The following DOP1A variants were observed in gnomAD, a reference collection of about 807,000 sequenced individuals.
The protein encoded by DOP1A is DOP1 leucine zipper like protein A, also known as protein DOP1A.
Under a neutral mutation model 267.6 loss-of-function variants are expected in DOP1A, and 90 were observed. That is an observed-to-expected ratio of 0.34 (90% CI 0.28 to 0.40). The LOEUF (loss-of-function observed/expected upper bound fraction) is 0.40, where lower values mean the gene tolerates loss of function less well. DOP1A is among the 10% of genes least tolerant of loss of function. The pLI is 1.00. For synonymous variants in DOP1A, 932 were observed against 999.1 expected, an observed-to-expected ratio of 0.93 and a Z score of 1.27; for missense variants, 2,437 against 2,900.4, an observed-to-expected ratio of 0.84 and a Z score of 3.67.
chr6:83,071,943 A>G (rs1481740715), intron 1 of DOP1A, among the ~76,000 whole-genome samples: 1 of 152,242 alleles, frequency 6.6e-6, no homozygotes, highest in Non-Finnish European at 1.5e-5. Flanking sequence ...TATAATGTTT[A>G]TCTGGCAAAG....
At chr6:83,166,233 A>C in intron 38 of DOP1A, 2 of 512,404 alleles carry the variant, frequency 3.9e-6, no homozygotes, top group Non-Finnish European at 6.9e-6. Flanking sequence ...CGACCATAAA[A>C]TGGTCAACAT....
rs1330538450 is a variant in DOP1A at position 83,125,153 on chromosome 6, T to C, written c.1456-13T>C. ...GTTTTCTCTCCTCACTTCTTTGCTTTCTCATTTTGAAGCCTACTAGAAGTA... is the reference window on the plus strand; with the variant it reads ...GTTTTCTCTCCTCACTTCTTTGCTTCCTCATTTTGAAGCCTACTAGAAGTA... On this transcript the variant is annotated splice_polypyrimidine_tract_variant and intron_variant, in intron 13 of 38. Transcript: ENST00000349129. The C allele has an allele frequency of 6.3e-6, 10 of 1,579,682 alleles. No homozygotes were observed. The highest frequency in any genetic ancestry group is 8.5e-6 in the Non-Finnish European group (10 of 1,170,628).
chr6:83,152,220 A>C, intron 29 of DOP1A, 68 bp from the exon 30 acceptor site: 1 of 858,540 alleles, frequency 1.2e-6, no homozygotes. Context: ...ATACACACAC[A>C]CACACACACA....
intron 38 of DOP1A, among the ~76,000 whole-genome samples, chr6:83,163,902 CT>C (rs988898312): frequency 5.3e-5 from 8 of 151,822 alleles, no homozygotes; most frequent in African/African-American, 1.9e-4. Context: ...AAAATATTGT[CT>C]TATATACTTT....
rs70987733 is a variant in DOP1A at position 83,105,356 on chromosome 6, C to CTTT, written c.321-3528_321-3526dup. Among the ~76,000 whole-genome samples, 185 of 65,956 alleles carry CTTT rather than the reference C, an allele frequency of 2.8e-3. 14 individuals carry two copies. The highest frequency in any genetic ancestry group is 5.2e-3 in the South Asian group (8 of 1,532). 43.3% of individuals were successfully genotyped at this position (65,956 alleles called of 152,430 possible). A position where few individuals can be genotyped will look rare whatever the true frequency, so the allele number is the denominator to read the frequency against. On this transcript the variant is annotated intron_variant, in intron 4 of 38. Transcript: ENST00000349129. ...AAGAGAAATGAACATGGATGTCTTTCTTTTTTTTTTTTTTTTTTTTTTTTT... is the reference window on the plus strand; with the variant it reads ...AAGAGAAATGAACATGGATGTCTTTCTTTTTTTTTTTTTTTTTTTTTTTTTTTT...
At chr6:83,072,236 A>G (rs1293224678) in intron 1 of DOP1A, among the ~76,000 whole-genome samples, 2 of 152,180 alleles carry the variant, frequency 1.3e-5, no homozygotes, top group Non-Finnish European at 2.9e-5. Flanking sequence ...TTATGAGCCT[A>G]ACATTTGCTG....
At chr6:83,134,499 G>A in intron 19 of DOP1A, 1 of 439,366 alleles carries the variant, frequency 2.3e-6, no homozygotes. Flanking sequence ...GGAGTACCCG[G>A]CTCCACTTCC....
chr6:83,074,615 T>C (rs1766715387), intron 1 of DOP1A, among the ~76,000 whole-genome samples: 3 of 152,222 alleles, frequency 2.0e-5, no homozygotes, highest in Admixed American at 2.0e-4. Flanking sequence ...TTCAACACTT[T>C]ATTATAAAAC....
chr6:83,087,766 G>A (rs2128076479), intron 1 of DOP1A, among the ~76,000 whole-genome samples: 1 of 152,350 alleles, frequency 6.6e-6, no homozygotes. Flanking sequence ...TAAGTACACT[G>A]TAAGGTTAGA....
At chr6:83,094,749 G>A (rs552849014) in intron 1 of DOP1A, among the ~76,000 whole-genome samples, 1 of 152,092 alleles carries the variant, frequency 6.6e-6, no homozygotes, top group Non-Finnish European at 1.5e-5. Context: ...TTATTGGCTT[G>A]GAAGAGTTTT....
chr6:83,086,729 C>T (rs551187815), intron 1 of DOP1A, among the ~76,000 whole-genome samples: 12 of 152,142 alleles, frequency 7.9e-5, no homozygotes, highest in Admixed American at 3.9e-4. Context: ...GATTTTTATA[C>T]GGGTTTTTTT....
At chr6:83,147,093 T>A in intron 25 of DOP1A, 143 bp from the exon 26 acceptor site, 3 of 399,552 alleles carry the variant, frequency 7.5e-6, no homozygotes, top group Non-Finnish European at 9.1e-6. Context: ...GAGAACTGCA[T>A]GGCTCATTAA....
rs753128025 is a variant in DOP1A at position 83,132,200 on chromosome 6, C to G, written c.2641C>G (p.Gln881Glu). ...GCATGTAGCTTTAACATTGTGGGACCAGTTGGGAGATGGGACACCTCAGCA... is the reference window on the plus strand; with the variant it reads ...GCATGTAGCTTTAACATTGTGGGACGAGTTGGGAGATGGGACACCTCAGCA... ...FKHVALTLWD[Q>E]LGDGTPQHHQ... Residue 881 changes from glutamine (Q) to glutamate (E), a missense_variant, in exon 18 of 39, where the codon CAG becomes GAG. Gln to Glu is a conservative substitution (Grantham distance 29, BLOSUM62 2). Around this residue, in one of 9 missense-constraint regions of DOP1A, gnomAD observed 878 missense variants for 992.9 expected, o/e 0.88. Coordinates refer to ENST00000349129, the MANE Select transcript of DOP1A (RefSeq NM_015018.4). 6.2e-7 allele frequency: 1 copy of G among 1,610,648 alleles called. No individual in the cohort carries two copies. Among genetic ancestry groups the G allele is most frequent in the South Asian group, 1.1e-5 (1 of 90,752 alleles).
chr6:83,116,287 C>CT (rs1207965272), intron 7 of DOP1A, among the ~76,000 whole-genome samples: 1 of 152,144 alleles, frequency 6.6e-6, no homozygotes, highest in Non-Finnish European at 1.5e-5. Context: ...CTATCTTGTA[C>CT]TTTCAGTGGC....
chr6:83,156,164 T>C, intron 34 of DOP1A, 61 bp downstream of exon 34: 1 of 1,385,790 alleles, frequency 7.2e-7, no homozygotes, highest in Non-Finnish European at 9.8e-7. Context: ...CCTTAGAAAA[T>C]ACTTCTCTAA....
chr6:83,170,286 T>TAGAACTATCCC (rs748243202), downstream of DOP1A: 3 of 1,611,948 alleles, frequency 1.9e-6, no homozygotes, highest in Non-Finnish European at 2.5e-6. Flanking sequence ...TCTTTTTCAA[T>TAGAACTATCCC]AGAACTATCC....
In DOP1A at chr6:83,153,877, G is replaced by A. The variant is rs1782225108; in HGVS notation, c.6240-17G>A. The A allele has an allele frequency of 6.3e-7, 1 of 1,594,474 alleles. No individual in the cohort carries two copies. The highest frequency in any genetic ancestry group is 1.8e-5 in the Admixed American group (1 of 54,200). On this transcript the variant is annotated splice_polypyrimidine_tract_variant and intron_variant, in intron 31 of 38. Transcript: ENST00000349129. ...AAGTTAGGACACGTAGGTTAAGGTG[G>A]TTTTTCTTCCTTGTAGTGCACATAA...
Position 83,128,915 on chromosome 6 carries a change from C to G in DOP1A, c.1748C>G (p.Thr583Ser), listed in dbSNP as rs1777613289. 2 of 1,539,568 alleles carry G rather than the reference C, an allele frequency of 1.3e-6. No individual in the cohort carries two copies. Among genetic ancestry groups the G allele is most frequent in the Non-Finnish European group, 1.7e-6 (2 of 1,144,230 alleles). Residue 583 changes from threonine (T) to serine (S), a missense_variant, in exon 16 of 39, where the codon ACT becomes AGT. Physicochemically the swap from Thr to Ser is moderately conservative, Grantham distance 58. Transcript: ENST00000349129. ...KVSSVSHENP[T>S]EVFEDGENPP... ...TCATCAGTTTCTCATGAAAATCCTA[C>G]TGAAGTGTTTGAAGATGGAGAAAAT...
intron 36 of DOP1A, among the ~76,000 whole-genome samples, chr6:83,159,382 C>G (rs1248232164): frequency 1.3e-5 from 2 of 151,920 alleles, no homozygotes; most frequent in Non-Finnish European, 2.9e-5. Context: ...CGGGTGATTC[C>G]CCCACCTCAG....
Sources: gnomAD v4.1 joint callset for allele counts (sites outside exome capture counted in the v4.1 genomes callset) on GRCh38, gnomAD v4.1.1 for gene constraint, gnomAD v4.1.1 regional missense constraint, MANE v1.5 for transcripts, NCBI Gene and HGNC (gene_info 2026-07-23, HGNC 2026-07-21) for gene names.